Variants in ZBTB47 observed in about 807,000 individuals in gnomAD.
The protein encoded by ZBTB47 is zinc finger and BTB domain containing 47.
ZBTB47 carries 24 observed loss-of-function variants against 56.6 expected under a neutral mutation model. The ratio of observed to expected loss-of-function variants is 0.42; its 90% CI spans 0.31 to 0.60. The LOEUF (loss-of-function observed/expected upper bound fraction) is 0.60, where lower values mean the gene tolerates loss of function less well. ZBTB47 is among the 20% of genes least tolerant of loss of function. The pLI, the probability that ZBTB47 is intolerant of heterozygous loss-of-function variation, is 0.14. For synonymous variants in ZBTB47, 414 were observed against 418.9 expected (o/e 0.99, Z 0.14); for missense variants, 829 against 1,032.6 (o/e 0.80, Z 2.70).
In ZBTB47 at chr3:42,654,639, G is replaced by C. The variant is rs1391505399; in HGVS notation, c.-82+756G>C. The C allele has an allele frequency of 2.0e-6, 2 of 983,794 alleles. No individual in the cohort carries two copies. The highest frequency in any genetic ancestry group is 2.4e-6 in the Non-Finnish European group (2 of 829,138). The allele number at this position is 983,794 out of a possible 1,614,324, so 60.9% of individuals were successfully genotyped here. A position where few individuals can be genotyped will look rare whatever the true frequency, so the allele number is the denominator to read the frequency against. On this transcript the variant is annotated intron_variant, in intron 1 of 5. Transcript: ENST00000232974. This position sits in a 1 kb window ranked among gnomAD's most constrained non-coding sequence, Gnocchi z 5.0. ...TTCATGGAGCGGCCCTGGCCTGGCCGCCGGGGGCAGCGCGATCCCGCGGGG... is the reference window on the plus strand; with the variant it reads ...TTCATGGAGCGGCCCTGGCCTGGCCCCCGGGGGCAGCGCGATCCCGCGGGG...
At position 42,659,144 on chromosome 3, in the gene ZBTB47, C is replaced by A; in HGVS notation, c.789C>A (p.Thr263=). The change falls in exon 2 of 6, where the codon ACC becomes ACA. Residue 263 remains threonine (T), a synonymous_variant. Transcript: ENST00000232974. ...GKPGAGPSPA[T]VVLGREDGLQ... ...CAGGTGCCGGGCCAAGCCCAGCCAC[C>A]GTGGTTCTGGGCCGGGAGGACGGGC... The A allele has an allele frequency of 6.6e-7, 1 of 1,507,424 alleles. No homozygotes were observed. Among genetic ancestry groups the A allele is most frequent in the Non-Finnish European group, 8.8e-7 (1 of 1,131,558 alleles). 93.4% of individuals were successfully genotyped at this position (1,507,424 alleles called of 1,614,324 possible). A position where few individuals can be genotyped will look rare whatever the true frequency, so the allele number is the denominator to read the frequency against.
At position 42,659,216 on chromosome 3, in the gene ZBTB47, G is replaced by A. The variant is rs878918538; in HGVS notation, c.861G>A (p.Glu287=). 13 of 1,529,526 alleles carry A rather than the reference G, an allele frequency of 8.5e-6. No individual in the cohort carries two copies. In the South Asian group the frequency reaches 1.3e-4, roughly 16 times the overall value. The allele number at this position is 1,529,526 out of a possible 1,614,324, so 94.7% of individuals were successfully genotyped here. A position where few individuals can be genotyped will look rare whatever the true frequency, so the allele number is the denominator to read the frequency against. The change falls in exon 2 of 6, where the codon GAG becomes GAA. Residue 287 remains glutamate, a synonymous_variant. Transcript: ENST00000232974. ...AGGAGGAGGACGACGAGGAGGAGGA[G>A]GAGGAAGAAGAGGAAGAGGAAGGTG... ...DEEEEDDEEE[E]EEEEEEEGGG...
chr3:42,664,712 C>A lies in ZBTB47; in HGVS notation c.*114C>A. ...TGCGGGCCTGGGCCCTGCTCCACCT[C>A]CAGAAGTGGCTGGATGTACCCTGCC... On this transcript the variant is annotated 3_prime_UTR_variant, in exon 6 of 6. Coordinates refer to ENST00000232974, the MANE Select transcript of ZBTB47 (RefSeq NM_145166.4). 1 of 1,243,714 alleles carries A rather than the reference C, an allele frequency of 8.0e-7. No individual in the cohort carries two copies. Among genetic ancestry groups the A allele is most frequent in the Non-Finnish European group, 1.0e-6 (1 of 973,494 alleles). 77.0% of individuals were successfully genotyped at this position (1,243,714 alleles called of 1,614,324 possible). A position where few individuals can be genotyped will look rare whatever the true frequency, so the allele number is the denominator to read the frequency against.
In ZBTB47 at chr3:42,664,623, G is replaced by T; in HGVS notation, c.*25G>T. The T allele has an allele frequency of 7.4e-7, 1 of 1,356,980 alleles. No homozygotes were observed. The highest frequency in any genetic ancestry group is 9.4e-7 in the Non-Finnish European group (1 of 1,063,210). 84.1% of individuals were successfully genotyped at this position (1,356,980 alleles called of 1,614,324 possible). A position where few individuals can be genotyped will look rare whatever the true frequency, so the allele number is the denominator to read the frequency against. Reference sequence around the variant, plus strand: ...GCTGCCGAGCTGCACCCGTGCACCCGCTGGGGCCTGGAGTCAGGGCCCACT... The same window carrying T: ...GCTGCCGAGCTGCACCCGTGCACCCTCTGGGGCCTGGAGTCAGGGCCCACT... On this transcript the variant is annotated 3_prime_UTR_variant, in exon 6 of 6. Coordinates refer to ENST00000232974, the MANE Select transcript of ZBTB47 (RefSeq NM_145166.4).
At position 42,659,072 on chromosome 3, in the gene ZBTB47, C is replaced by T; in HGVS notation, c.717C>T (p.Asn239=). The part of the protein sequence containing the change: ...REQSQIIVEV[N]LNNQTLHVST... ...AATCCCAGATCATCGTGGAGGTGAA[C>T]CTCAACAACCAGACACTGCACGTGT... Residue 239 remains asparagine, a synonymous_variant, in exon 2 of 6, where the codon AAC becomes AAT. Transcript: ENST00000232974. 6.6e-7 allele frequency: 1 copy of T among 1,513,108 alleles called. No individual in the cohort carries two copies. The highest frequency in any genetic ancestry group is 8.8e-7 in the Non-Finnish European group (1 of 1,135,354). 93.7% of individuals were successfully genotyped at this position (1,513,108 alleles called of 1,614,324 possible). A position where few individuals can be genotyped will look rare whatever the true frequency, so the allele number is the denominator to read the frequency against.
In ZBTB47 at chr3:42,666,533, T is replaced by C. The variant is rs1710791665; in HGVS notation, c.*1935T>C. On this transcript the variant is annotated 3_prime_UTR_variant, in exon 6 of 6. Transcript: ENST00000232974. ...GGCAGCTCTTTGGAGCTGGCTCACA[T>C]TTTCCCAAAAAAAGTTGATCTCTCC... Among the ~76,000 whole-genome samples the C allele has an allele frequency of 6.6e-6, 1 of 152,136 alleles. No individual in the cohort carries two copies. Among genetic ancestry groups the C allele is most frequent in the South Asian group, 2.1e-4 (1 of 4,834 alleles).
chr3:42,654,964 G>C lies in ZBTB47; in HGVS notation c.-82+1081G>C, dbSNP rs577716992. Among the ~76,000 whole-genome samples the C allele has an allele frequency of 6.6e-6, 1 of 152,198 alleles. No homozygotes were observed. Among genetic ancestry groups the C allele is most frequent in the Admixed American group, 6.5e-5 (1 of 15,306 alleles). On this transcript the variant is annotated intron_variant, in intron 1 of 5. Coordinates refer to ENST00000232974, the MANE Select transcript of ZBTB47 (RefSeq NM_145166.4). The surrounding 1 kb of genome is among the most constrained non-coding windows in gnomAD (Gnocchi z 5.0). ...CACCGGCGAAGGGGGGCGCTCCCCT[G>C]CGCCCGGACGGCGCCGCCCTCGGGC... is the stretch of plus-strand genomic sequence containing the variant.
In ZBTB47 at chr3:42,667,117, GC is replaced by G. The variant is rs1217233836; in HGVS notation, c.*2524del. ...ACAAAACAACACAAAAAAACAATGT[GC>G]CCCCAGATGTCAGAATGAGGCGACT... is the stretch of plus-strand genomic sequence containing the variant. On this transcript the variant is annotated 3_prime_UTR_variant, in exon 6 of 6. Coordinates refer to ENST00000232974, the MANE Select transcript of ZBTB47 (RefSeq NM_145166.4). 6.6e-6 allele frequency among the ~76,000 whole-genome samples: 1 copy of G among 152,242 alleles called. No homozygotes were observed. The highest frequency in any genetic ancestry group is 1.5e-5 in the Non-Finnish European group (1 of 68,038).
At position 42,663,958 on chromosome 3, in the gene ZBTB47, G is replaced by T; in HGVS notation, c.1882+17G>T. ...CCCACACAGGTGCGGCTGCCCCTGG[G>T]GACGGAGCTCGGTGCCGGGCCTGGG... On this transcript the variant is annotated intron_variant, in intron 5 of 5. Coordinates refer to ENST00000232974, the MANE Select transcript of ZBTB47 (RefSeq NM_145166.4). The surrounding 1 kb of genome is among the most constrained non-coding windows in gnomAD (Gnocchi z 5.1). 6.2e-7 allele frequency: 1 copy of T among 1,603,472 alleles called. No individual in the cohort carries two copies. The highest frequency in any genetic ancestry group is 2.3e-5 in the East Asian group (1 of 44,426).
rs1407608150 is a variant in ZBTB47 at position 42,663,079 on chromosome 3, C to T, written c.1689C>T (p.Leu563=). 1.2e-6 allele frequency: 2 copies of T among 1,613,838 alleles called. No individual in the cohort carries two copies. The highest frequency in any genetic ancestry group is 1.7e-6 in the Non-Finnish European group (2 of 1,179,828). ...AGTCCTTCAAGCGCAGCATGTCCCT[C>T]AAGGTGCACTCACTGCAGCACTCAG... ...CGKSFKRSMS[L]KVHSLQHSGE... is the part of the protein sequence containing the mutation. Residue 563 remains leucine (L), a synonymous_variant, in exon 4 of 6, where the codon CTC becomes CTT. Coordinates refer to ENST00000232974, the MANE Select transcript of ZBTB47 (RefSeq NM_145166.4). The surrounding 1 kb of genome is among the most constrained non-coding windows in gnomAD (Gnocchi z 5.1).
At chr3:42,657,054 G>A (rs948940605) in intron 1 of ZBTB47, among the ~76,000 whole-genome samples, 3 of 152,250 alleles carry the variant, frequency 2.0e-5, no homozygotes, top group Non-Finnish European at 2.9e-5. Flanking sequence ...CTGGGCTGGT[G>A]GTTGGTGGAT....
rs1240084168 is a variant in ZBTB47, at chr3:42,654,789, G to C, written c.-82+906G>C. 46 of 806,666 alleles carry C rather than the reference G, an allele frequency of 5.7e-5. No homozygotes were observed. Among genetic ancestry groups the C allele is most frequent in the Non-Finnish European group, 6.8e-5 (45 of 666,460 alleles). The allele number at this position is 806,666 out of a possible 1,614,324, so 50.0% of individuals were successfully genotyped here. A position where few individuals can be genotyped will look rare whatever the true frequency, so the allele number is the denominator to read the frequency against. On this transcript the variant is annotated intron_variant, in intron 1 of 5. Transcript: ENST00000232974. The surrounding 1 kb of genome is among the most constrained non-coding windows in gnomAD (Gnocchi z 5.0). ...GCCCGCGGGCCCGGGTGGAGGGGCT[G>C]GAGGGATCTTCCCCCCTCCCCCGGT...
chr3:42,658,725 C>G lies in ZBTB47; in HGVS notation c.370C>G (p.Leu124Val), dbSNP rs1340928735. ...LGPPGPGTVA[L>V]AQPAASCTPA... ...CCCACCAGGTCCGGGCACTGTGGCC[C>G]TGGCCCAGCCGGCTGCCAGCTGCAC... Residue 124 changes from leucine to valine, a missense_variant, in exon 2 of 6, where the codon CTG becomes GTG. Leu to Val is a conservative substitution (Grantham distance 32). Around this residue, in one of 6 missense-constraint regions of ZBTB47, gnomAD observed 120 missense variants for 200.2 expected, o/e 0.60. Transcript: ENST00000232974. 6.5e-7 allele frequency: 1 copy of G among 1,533,432 alleles called. No individual in the cohort carries two copies. Among genetic ancestry groups the G allele is most frequent in the Non-Finnish European group, 8.7e-7 (1 of 1,145,218 alleles). 95.0% of individuals were successfully genotyped at this position (1,533,432 alleles called of 1,614,324 possible).
intron 3 of ZBTB47, among the ~76,000 whole-genome samples, chr3:42,662,550 C>G (rs1710733540): frequency 6.6e-6 from 1 of 152,224 alleles, no homozygotes; most frequent in Non-Finnish European, 1.5e-5. Context: ...GGGCCTGAGA[C>G]CAGGGCCTTT....
chr3:42,654,197 G>A lies in ZBTB47; in HGVS notation c.-82+314G>A, dbSNP rs374954165. 90 of 151,702 alleles carry A rather than the reference G, an allele frequency of 5.9e-4. No individual in the cohort carries two copies. The highest frequency in any genetic ancestry group is 2.1e-3 in the African/African-American group (89 of 41,454). 9.4% of individuals were successfully genotyped at this position (151,702 alleles called of 1,614,324 possible). On this transcript the variant is annotated intron_variant, in intron 1 of 5. Coordinates refer to ENST00000232974, the MANE Select transcript of ZBTB47 (RefSeq NM_145166.4). This position sits in a 1 kb window ranked among gnomAD's most constrained non-coding sequence, Gnocchi z 5.0. ...CTCCGTGGCGCAACCGGAGGGCAGC[G>A]ATGTTTGACTCCCGGACGAACTTCC...
At chr3:42,664,138 G>T (rs1346444315) in intron 5 of ZBTB47, 99 bp from the exon 6 acceptor site, 39 of 1,524,798 alleles carry the variant, frequency 2.6e-5, no homozygotes, top group Non-Finnish European at 3.3e-5. Flanking sequence ...GAGCGCCGGG[G>T]CTGGGCCCCA....
chr3:42,664,406 C>T lies in ZBTB47; in HGVS notation c.2052C>T (p.Arg684=), dbSNP rs768107719. Residue 684 remains arginine (R), a synonymous_variant, in exon 6 of 6, where the codon CGC becomes CGT. Coordinates refer to ENST00000232974, the MANE Select transcript of ZBTB47 (RefSeq NM_145166.4). ...MLKAHKEKCF[R]VSHTLAGDGV... ...AGGCCCACAAGGAGAAGTGCTTCCG[C>T]GTCAGCCACACCCTGGCCGGCGACG... is the stretch of plus-strand genomic sequence containing the variant. The T allele has an allele frequency of 3.2e-6, 5 of 1,583,414 alleles. No individual in the cohort carries two copies. The African/African-American group carries it at 4.0e-5, about 13-fold the overall frequency.
chr3:42,656,044 T>C lies in ZBTB47; in HGVS notation c.-82+2161T>C, dbSNP rs1710637860. On this transcript the variant is annotated intron_variant, in intron 1 of 5. Coordinates refer to ENST00000232974, the MANE Select transcript of ZBTB47 (RefSeq NM_145166.4). The surrounding 1 kb of genome is among the most constrained non-coding windows in gnomAD (Gnocchi z 5.8). ...AGAGCAGAGAGATCTGGGGCTCTGT[T>C]GCCTGGGGTGGACTTCCCCCAACAG... 6.6e-6 allele frequency among the ~76,000 whole-genome samples: 1 copy of C among 152,190 alleles called. No individual in the cohort carries two copies. Among genetic ancestry groups the C allele is most frequent in the Non-Finnish European group, 1.5e-5 (1 of 68,030 alleles).
rs1710793824 is a variant in ZBTB47 at position 42,666,738 on chromosome 3, T to C, written c.*2140T>C. On this transcript the variant is annotated 3_prime_UTR_variant, in exon 6 of 6. Coordinates refer to ENST00000232974, the MANE Select transcript of ZBTB47 (RefSeq NM_145166.4). ...ACTGACAAGCAGAGGTCAGAGACAC[T>C]GGTGGGGAGCTGGCAATGAAACCCT... Among the ~76,000 whole-genome samples, 1 of 152,310 alleles carries C rather than the reference T, an allele frequency of 6.6e-6. No individual in the cohort carries two copies. Among genetic ancestry groups the C allele is most frequent in the African/African-American group, 2.4e-5 (1 of 41,586 alleles).
Sources: gnomAD v4.1 joint callset for allele counts (sites outside exome capture counted in the v4.1 genomes callset) on GRCh38, gnomAD v4.1.1 for gene constraint, gnomAD v4.1.1 regional missense constraint, Gnocchi (gnomAD v3.1) non-coding constraint, MANE v1.5 for transcripts, NCBI Gene and HGNC (gene_info 2026-07-23, HGNC 2026-07-21) for gene names.